Variants in DNMBP observed in about 807,000 individuals in gnomAD.
DNMBP encodes the protein dynamin binding protein.
A neutral mutation model predicts 150.0 loss-of-function variants in DNMBP; 87 were observed. That is an observed-to-expected ratio of 0.58 (90% CI 0.49 to 0.69). The LOEUF is 0.69. DNMBP is among the 30% of genes least tolerant of loss of function. The pLI is 0.00. For synonymous variants in DNMBP, 711 were observed against 750.4 expected (o/e 0.95, Z 0.86); for missense variants, 1,774 against 1,949.0 (o/e 0.91, Z 1.69).
At chr10:99,967,668 G>GTGT (rs1554871375) in intron 3 of DNMBP, among the ~76,000 whole-genome samples, 1 of 145,564 alleles carries the variant, frequency 6.9e-6, no homozygotes, top group Non-Finnish European at 1.5e-5. Flanking sequence ...GGTTTTTCTG[G>GTGT]GTGTGTGTGT....
At chr10:100,001,425 T>A (rs1252511196) in intron 1 of DNMBP, among the ~76,000 whole-genome samples, 1 of 144,830 alleles carries the variant, frequency 6.9e-6, no homozygotes, top group Non-Finnish European at 1.5e-5. Flanking sequence ...TTTTTTTTTT[T>A]TTTTGAGACA....
At chr10:99,892,129 G>C (rs1309456701) in intron 11 of DNMBP, among the ~76,000 whole-genome samples, 6 of 142,170 alleles carry the variant, frequency 4.2e-5, no homozygotes, top group Admixed American at 4.1e-4. Context: ...GGGACGTGAA[G>C]AGCCCCTCTG....
At chr10:99,893,979 AAAGTT>A (rs761298784) in intron 11 of DNMBP, among the ~76,000 whole-genome samples, 120 of 152,226 alleles carry the variant, frequency 7.9e-4, no homozygotes, top group Middle Eastern at 3.4e-3. Context: ...TTTTTTTAAA[AAAGTT>A]AAGGATCCCT....
At chr10:99,919,230 C>T (rs771037604) in intron 4 of DNMBP, among the ~76,000 whole-genome samples, 11 of 152,138 alleles carry the variant, frequency 7.2e-5, no homozygotes, top group East Asian at 1.9e-4. Context: ...CGTCAAGGCC[C>T]GTTCTGGATT....
intron 4 of DNMBP, among the ~76,000 whole-genome samples, chr10:99,917,048 A>G (rs2039972361): frequency 6.6e-6 from 1 of 152,114 alleles, no homozygotes; most frequent in Non-Finnish European, 1.5e-5. Flanking sequence ...AAACTATGGC[A>G]TGCCCATATA....
At chr10:99,887,356 G>A (rs146860861) in intron 12 of DNMBP, among the ~76,000 whole-genome samples, 6,962 of 152,092 alleles carry the variant, frequency 0.046, 195 homozygotes, top group Middle Eastern at 0.19. Context: ...GCAAAACCCC[G>A]TCTCTACTAA....
chr10:99,971,895 GC>G, intron 2 of DNMBP, 84 bp downstream of exon 2: 1 of 1,135,964 alleles, frequency 8.8e-7, no homozygotes, highest in Non-Finnish European at 1.2e-6. Flanking sequence ...TCACTCTGTT[GC>G]CCAGGCTGGA....
intron 1 of DNMBP, among the ~76,000 whole-genome samples, chr10:99,992,503 A>T (rs1182006282): frequency 6.6e-6 from 1 of 150,816 alleles, no homozygotes; most frequent in Non-Finnish European, 1.5e-5. Context: ...AGGCTGAGGC[A>T]GGTAGATTGC....
chr10:99,935,839 G>A (rs12415260), intron 4 of DNMBP, among the ~76,000 whole-genome samples: 47,933 of 152,046 alleles, frequency 0.32, 9,114 homozygotes, highest in Non-Finnish European at 0.41. Context: ...TGCTGGGATT[G>A]CAGGCGTGAG....
intron 14 of DNMBP, 88 bp from the exon 15 acceptor site, chr10:99,884,297 T>C (rs2039422302): frequency 2.5e-6 from 3 of 1,218,122 alleles, no homozygotes; most frequent in East Asian, 4.7e-5. Flanking sequence ...GTCTCAGAAA[T>C]GAGGCAGGGA....
Position 99,888,942 on chromosome 10 carries a change from A to C in DNMBP, c.3168T>G (p.Cys1056Trp). 9 of 1,614,154 alleles carry C rather than the reference A, an allele frequency of 5.6e-6. No individual in the cohort carries two copies. The highest frequency in any genetic ancestry group is 7.6e-6 in the Non-Finnish European group (9 of 1,179,998). ...LYLQHIRESA[C>W]VKVVAAVSMW... is the part of the protein sequence containing the mutation. The stretch of plus-strand genomic sequence containing the variant: ...TGCTCACAGCAGCCACCACTTTCAC[A>C]CATGCGGACTCCTGGAGCCAGTTAG... Residue 1056 changes from cysteine (C) to tryptophan (W), a missense_variant, in exon 12 of 17, where the codon TGT becomes TGG. By Grantham distance (215) the Cys-to-Trp change is radical. Transcript: ENST00000324109.
At chr10:99,901,101 A>G (rs902242537) in intron 6 of DNMBP, among the ~76,000 whole-genome samples, 1 of 152,026 alleles carries the variant, frequency 6.6e-6, no homozygotes, top group African/African-American at 2.4e-5. Context: ...ACACCTGGTT[A>G]ATTTTTGTAA....
chr10:99,956,422 C>T lies in DNMBP; in HGVS notation c.1052G>A (p.Cys351Tyr). ...AGAAGTGGGTGCTTCAGAAATAATG[C>T]AGTCAGGCTCCTCGGCCTCATGGTC... ...TSDHEAEEPDCIISEAPTSPL... is the reference protein window; with the variant it reads ...TSDHEAEEPDYIISEAPTSPL... The change falls in exon 4 of 17, where the codon TGC becomes TAC. Residue 351 changes from cysteine (C) to tyrosine (Y), a missense_variant. Physicochemically the swap from Cys to Tyr is radical, Grantham distance 194. Coordinates refer to ENST00000324109, the MANE Select transcript of DNMBP (RefSeq NM_015221.4). 1 of 1,614,072 alleles carries T rather than the reference C, an allele frequency of 6.2e-7. No homozygotes were observed.
chr10:99,906,209 G>T (rs982156794), intron 6 of DNMBP, among the ~76,000 whole-genome samples: 1 of 152,132 alleles, frequency 6.6e-6, no homozygotes, highest in African/African-American at 2.4e-5. Flanking sequence ...GTGTAAGCCA[G>T]TGTCATGACC....
At chr10:99,905,196 A>T (rs2039807523) in intron 6 of DNMBP, among the ~76,000 whole-genome samples, 1 of 152,134 alleles carries the variant, frequency 6.6e-6, no homozygotes. Flanking sequence ...GCCCAACTCA[A>T]TGTGTGTATC....
At chr10:99,971,600 C>T (rs1479955138) in intron 2 of DNMBP, among the ~76,000 whole-genome samples, 1 of 152,004 alleles carries the variant, frequency 6.6e-6, no homozygotes, top group Non-Finnish European at 1.5e-5. Context: ...CAACTCACTG[C>T]AATCTTCACC....
chr10:99,922,502 G>GTTT (rs71189108), intron 4 of DNMBP, among the ~76,000 whole-genome samples: 5,013 of 78,698 alleles, frequency 0.064, 172 homozygotes, highest in Middle Eastern at 0.16. Context: ...AGCTGCTGCT[G>GTTT]TTTTTTTTTT....
chr10:99,897,638 A>G (rs2039675086), intron 9 of DNMBP, among the ~76,000 whole-genome samples: 1 of 152,188 alleles, frequency 6.6e-6, no homozygotes, highest in Non-Finnish European at 1.5e-5. Context: ...TCTGCCTTTA[A>G]TAAATACCAC....
At chr10:99,980,274 A>C (rs1237326655) in intron 1 of DNMBP, among the ~76,000 whole-genome samples, 1 of 152,008 alleles carries the variant, frequency 6.6e-6, no homozygotes, top group African/African-American at 2.4e-5. Context: ...GCGAAACCCT[A>C]TCTCTACTAA....
Sources: allele counts gnomAD v4.1 joint callset (sites outside exome capture counted in the v4.1 genomes callset), GRCh38; gene constraint gnomAD v4.1.1; transcripts MANE v1.5; gene names NCBI Gene and HGNC (gene_info 2026-07-23, HGNC 2026-07-21).